DNAJC5B: variants seen among roughly 807,000 people sequenced by gnomAD.
DNAJC5B encodes the protein DnaJ heat shock protein family (Hsp40) member C5 beta.
In DNAJC5B, 23 loss-of-function variants were observed where a neutral mutation model predicts 24.7. The ratio of observed to expected loss-of-function variants is 0.93; its 90% CI spans 0.67 to 1.32. The LOEUF (loss-of-function observed/expected upper bound fraction) is 1.32. Ranked by LOEUF, DNAJC5B falls within the 40% of genes most tolerant of loss-of-function variation. The pLI is 0.00. For missense variants in DNAJC5B, 238 were observed against 240.8 expected (o/e 0.99, Z 0.08); for synonymous variants, 101 against 90.1 (o/e 1.12, Z -0.68).
chr8:66,084,489 A>T (rs879933343), intron 5 of DNAJC5B, among the ~76,000 whole-genome samples: 86 of 152,162 alleles, frequency 5.7e-4, no homozygotes, highest in Non-Finnish European at 9.7e-4. Flanking sequence ...AATAAAAAAA[A>T]TCTTAGGATT....
chr8:66,093,827 T>C (rs1807896387), intron 5 of DNAJC5B, among the ~76,000 whole-genome samples: 1 of 152,182 alleles, frequency 6.6e-6, no homozygotes, highest in Non-Finnish European at 1.5e-5. Flanking sequence ...TTCTCCTATA[T>C]AGATTTTCAA....
intron 3 of DNAJC5B, among the ~76,000 whole-genome samples, chr8:66,070,733 G>A (rs867935254): frequency 7.9e-5 from 12 of 152,124 alleles, no homozygotes; most frequent in Non-Finnish European, 1.5e-4. Context: ...AAAAGAGCCC[G>A]CATAGCCAAG....
At chr8:66,020,093 C>T (rs1329468054), upstream of DNAJC5B, among the ~76,000 whole-genome samples, 1 of 152,164 alleles carries the variant, frequency 6.6e-6, no homozygotes, top group Non-Finnish European at 1.5e-5. Flanking sequence ...GACAATTTCT[C>T]CCCAACCAGC....
intron 4 of DNAJC5B, among the ~76,000 whole-genome samples, chr8:66,078,707 G>A (rs1395269188): frequency 2.0e-5 from 3 of 152,174 alleles, no homozygotes; most frequent in African/African-American, 7.2e-5. Context: ...GTTGTTTACA[G>A]AGTAATTTAC....
At chr8:66,030,254 C>T (rs755344409) in intron 1 of DNAJC5B, among the ~76,000 whole-genome samples, 4 of 152,152 alleles carry the variant, frequency 2.6e-5, no homozygotes, top group Admixed American at 6.6e-5. Context: ...GAGTCATGAC[C>T]AGAAAATCAA....
chr8:66,047,846 C>T (rs1276078949), intron 2 of DNAJC5B, among the ~76,000 whole-genome samples: 2 of 152,212 alleles, frequency 1.3e-5, no homozygotes, highest in African/African-American at 2.4e-5. Context: ...GTTGCCAGGC[C>T]CACTGGCTGT....
intron 1 of DNAJC5B, among the ~76,000 whole-genome samples, chr8:66,031,593 G>A (rs774483808): frequency 1.2e-4 from 18 of 152,172 alleles, no homozygotes; most frequent in Non-Finnish European, 2.2e-4. Context: ...TGTGGGTATG[G>A]AGGCTGACAA....
At chr8:66,060,003 G>A (rs1400718714) in intron 3 of DNAJC5B, among the ~76,000 whole-genome samples, 2 of 152,254 alleles carry the variant, frequency 1.3e-5, no homozygotes, top group African/African-American at 4.8e-5. Context: ...CTGCTGGGCT[G>A]TACCTCTGGC....
At chr8:66,043,765 G>A (rs1250635728) in intron 2 of DNAJC5B, among the ~76,000 whole-genome samples, 154 bp downstream of exon 2, 2 of 151,698 alleles carry the variant, frequency 1.3e-5, no homozygotes, top group Non-Finnish European at 2.9e-5. Flanking sequence ...GTAACATTCT[G>A]ACTTGCCCCA....
At chr8:66,026,586 G>A (rs948261269) in intron 1 of DNAJC5B, among the ~76,000 whole-genome samples, 3 of 152,244 alleles carry the variant, frequency 2.0e-5, no homozygotes, top group Non-Finnish European at 2.9e-5. Flanking sequence ...TCCGACACGC[G>A]CAGGACACTG....
Position 66,076,780 on chromosome 8 carries a change from C to A in DNAJC5B, c.240C>A (p.Tyr80Ter), listed in dbSNP as rs950676812. 1.2e-6 allele frequency: 2 copies of A among 1,614,168 alleles called. No homozygotes were observed. The highest frequency in any genetic ancestry group is 2.2e-5 in the South Asian group (2 of 91,080). Reference sequence around the variant, plus strand: ...CCGACATTTCAAAGAGAAGCATATACGACAAGTACGGATCGCTGGGACTCT... The same window carrying A: ...CCGACATTTCAAAGAGAAGCATATAAGACAAGTACGGATCGCTGGGACTCT... ...ILTDISKRSI[Y>*]DKYGSLGLYV... The change falls in exon 4 of 6, where the codon TAC (tyrosine) becomes TAA (stop). Residue 80 changes from tyrosine to a stop codon, truncating the protein, a stop_gained. Transcript: ENST00000276570. LOFTEE classifies it high-confidence loss of function.
At chr8:66,015,554 TGA>T in the DNAJC5B span, among the ~76,000 whole-genome samples, 70,622 of 148,802 alleles carry the variant, frequency 0.47, 21,143 homozygotes, top group African/African-American at 0.86. Context: ...GAGCGAGAAA[TGA>T]GAGAGAGAGA....
the DNAJC5B span, among the ~76,000 whole-genome samples, chr8:66,015,548 G>A: frequency 6.6e-6 from 1 of 151,498 alleles, no homozygotes; most frequent in Non-Finnish European, 1.5e-5. Context: ...AAGGGAGAGC[G>A]AGAAATGAGA....
rs180906221 is a variant in DNAJC5B at position 66,074,244 on chromosome 8, C to T, written c.120-2416C>T. Reference sequence around the variant, plus strand: ...ATGGTTAGAATCAGGCCTCAGGTGACTCAGAGACTGGTAGAGAGTGGTAGG... The same window carrying T: ...ATGGTTAGAATCAGGCCTCAGGTGATTCAGAGACTGGTAGAGAGTGGTAGG... On this transcript the variant is annotated intron_variant, in intron 3 of 5. Transcript: ENST00000276570. Among the ~76,000 whole-genome samples, 345 of 152,288 alleles carry T rather than the reference C, an allele frequency of 2.3e-3. 1 individual carries two copies. Among genetic ancestry groups the T allele is most frequent in the African/African-American group, 8.0e-3 (334 of 41,564 alleles).
chr8:66,091,575 A>T (rs1285801831), intron 5 of DNAJC5B, among the ~76,000 whole-genome samples: 1 of 152,152 alleles, frequency 6.6e-6, no homozygotes, highest in Non-Finnish European at 1.5e-5. Context: ...GAATAGTTTT[A>T]TCAAGTAATC....
chr8:66,040,812 G>A (rs1806591415), intron 1 of DNAJC5B, among the ~76,000 whole-genome samples: 1 of 152,172 alleles, frequency 6.6e-6, no homozygotes, highest in African/African-American at 2.4e-5. Context: ...TCTCTGCTTA[G>A]CCTTCGATAA....
intron 5 of DNAJC5B, among the ~76,000 whole-genome samples, chr8:66,083,260 C>T (rs1807643408): frequency 6.6e-6 from 1 of 152,004 alleles, no homozygotes; most frequent in African/African-American, 2.4e-5. Context: ...ATCCTCCTGC[C>T]TTGGCCTCCC....
chr8:66,091,804 G>A (rs1321715378), intron 5 of DNAJC5B, among the ~76,000 whole-genome samples: 1 of 151,946 alleles, frequency 6.6e-6, no homozygotes, highest in African/African-American at 2.4e-5. Context: ...AAATATAGAG[G>A]GGAGGTGAAA....
At chr8:66,042,283 TAC>T (rs1308154195) in intron 1 of DNAJC5B, among the ~76,000 whole-genome samples, 1 of 152,218 alleles carries the variant, frequency 6.6e-6, no homozygotes, top group Non-Finnish European at 1.5e-5. Flanking sequence ...GAAACTCAGC[TAC>T]AGTTTCACTT....
Sources: gnomAD v4.1 joint callset for allele counts (sites outside exome capture counted in the v4.1 genomes callset) on GRCh38, gnomAD v4.1.1 for gene constraint, MANE v1.5 for transcripts, NCBI Gene and HGNC (gene_info 2026-07-23, HGNC 2026-07-21) for gene names.